The following TENM3 variants were observed in gnomAD, a reference collection of about 807,000 sequenced individuals.
TENM3 encodes the protein teneurin transmembrane protein 3, also known as teneurin-3.
In TENM3, 63 loss-of-function variants were observed where a neutral mutation model predicts 255.1. The ratio of observed to expected loss-of-function variants is 0.25; its 90% confidence interval spans 0.20 to 0.30. The LOEUF is 0.30. Among genes scored for constraint, TENM3 ranks in the 10% least tolerant of loss-of-function variants. The probability of loss-of-function intolerance (pLI) is 1.00; values close to 1 mark genes in which losing one functional copy is unlikely to be tolerated. For synonymous variants in TENM3, 1,306 were observed against 1,322.3 expected, an observed-to-expected ratio of 0.99 and a Z score of 0.27; for missense variants, 2,929 against 3,461.1, an observed-to-expected ratio of 0.85 and a Z score of 3.86.
chr4:181,587,105 A>T, the TENM3 span, among the ~76,000 whole-genome samples: 1 of 152,148 alleles, frequency 6.6e-6, no homozygotes, highest in Non-Finnish European at 1.5e-5. Context: ...ATACTTTTTT[A>T]CCTAATAAAA....
chr4:182,466,463 GGGACTGCAGGTGTGTGCCACCAT>G (rs1287104186), intron 3 of TENM3, among the ~76,000 whole-genome samples: 1 of 152,106 alleles, frequency 6.6e-6, no homozygotes, highest in Non-Finnish European at 1.5e-5. Flanking sequence ...CCAGGTAGCT[GGGACTGCAGGTGTGTGCCACCAT>G]GCCTGGCTAA....
At chr4:181,807,476 C>T in the TENM3 span, among the ~76,000 whole-genome samples, 1 of 152,158 alleles carries the variant, frequency 6.6e-6, no homozygotes, top group Non-Finnish European at 1.5e-5. Flanking sequence ...GCCTCAGCCT[C>T]CCGAGTAGCT....
the TENM3 span, among the ~76,000 whole-genome samples, chr4:181,718,903 T>G: frequency 6.6e-6 from 1 of 152,218 alleles, no homozygotes; most frequent in Non-Finnish European, 1.5e-5. Context: ...TCTCCTTTAG[T>G]TCATATATAT....
the TENM3 span, among the ~76,000 whole-genome samples, chr4:181,517,124 G>A: frequency 2.0e-5 from 3 of 150,626 alleles, no homozygotes; most frequent in African/African-American, 4.9e-5. Context: ...CTTAATGAAT[G>A]TAACTAAACA....
the TENM3 span, among the ~76,000 whole-genome samples, chr4:181,769,759 C>T: frequency 1.2e-4 from 19 of 152,122 alleles, no homozygotes; most frequent in South Asian, 3.8e-3. Flanking sequence ...ACATCTGGAA[C>T]GTATTATTAT....
chr4:181,678,711 C>CTA, the TENM3 span, among the ~76,000 whole-genome samples: 27 of 151,212 alleles, frequency 1.8e-4, no homozygotes, highest in African/African-American at 6.6e-4. Flanking sequence ...TTAGGTTGTT[C>CTA]TATATATATA....
chr4:182,426,007 C>CAAAAAAAAAAAAAAAA (rs55836889), intron 3 of TENM3, among the ~76,000 whole-genome samples: 23 of 90,730 alleles, frequency 2.5e-4, no homozygotes, highest in South Asian at 3.7e-4. Flanking sequence ...GAGTCCATGT[C>CAAAAAAAAAAAAAAAA]AAAAAAAAAA....
intron 1 of TENM3, among the ~76,000 whole-genome samples, chr4:182,254,554 C>T (rs775229463): frequency 6.6e-6 from 1 of 152,062 alleles, no homozygotes; most frequent in Non-Finnish European, 1.5e-5. Flanking sequence ...TTAAAAGCAG[C>T]AGAAGGCTTT....
At chr4:181,587,664 A>G in the TENM3 span, among the ~76,000 whole-genome samples, 479 of 152,284 alleles carry the variant, frequency 3.1e-3, no homozygotes, top group Middle Eastern at 6.8e-3. Flanking sequence ...GTTAACCAGA[A>G]GCTCTACTGC....
Position 182,370,834 on chromosome 4 carries a change from T to C in TENM3, c.511+23905T>C, listed in dbSNP as rs150860395. ...TTCTGTTGCTAAAGGACCTGCCAAA[T>C]AGTTGAATATCTTAATCATAAGTCT... On this transcript the variant is annotated intron_variant, in intron 3 of 27. Transcript: ENST00000511685. Among the ~76,000 whole-genome samples the C allele has an allele frequency of 3.9e-3, 592 of 152,312 alleles. 3 individuals carry two copies. The highest frequency in any genetic ancestry group is 0.013 in the African/African-American group (558 of 41,576).
At chr4:181,844,263 G>A in the TENM3 span, among the ~76,000 whole-genome samples, 8 of 152,178 alleles carry the variant, frequency 5.3e-5, no homozygotes, top group South Asian at 8.3e-4. Flanking sequence ...ATGAACTTTG[G>A]GGGGACACAT....
chr4:182,281,933 G>A (rs1296138583), intron 1 of TENM3, among the ~76,000 whole-genome samples: 2 of 151,874 alleles, frequency 1.3e-5, no homozygotes, highest in African/African-American at 2.4e-5. Context: ...ACAGGGTTTC[G>A]CCATGTTGGC....
intron 3 of TENM3, among the ~76,000 whole-genome samples, chr4:182,431,831 C>T (rs1007079109): frequency 6.6e-6 from 1 of 151,964 alleles, no homozygotes; most frequent in Non-Finnish European, 1.5e-5. Context: ...AATCCCAGCA[C>T]TTTGGAAGGC....
Position 182,792,234 on chromosome 4 carries a change from G to A in TENM3, c.5602-40G>A, listed in dbSNP as rs368457259. ...CACTAAATCTGCTTTTGCATCTCCC[G>A]TTCACAAACACTGAGTAACAGTATG... On this transcript the variant is annotated intron_variant, in intron 25 of 27. Coordinates refer to ENST00000511685, the MANE Select transcript of TENM3 (RefSeq NM_001080477.4). This position sits in a 1 kb window ranked among gnomAD's most constrained non-coding sequence, Gnocchi z 6.3. The A allele has an allele frequency of 1.3e-5, 20 of 1,569,472 alleles. No homozygotes were observed. Among genetic ancestry groups the A allele is most frequent in the South Asian group, 2.3e-5 (2 of 85,888 alleles).
chr4:181,465,479 C>T, the TENM3 span, among the ~76,000 whole-genome samples: 1 of 152,092 alleles, frequency 6.6e-6, no homozygotes, highest in African/African-American at 2.4e-5. Context: ...AACTTCTCTC[C>T]TTGAAAGATA....
the TENM3 span, among the ~76,000 whole-genome samples, chr4:181,801,322 G>C: frequency 2.0e-5 from 3 of 152,046 alleles, no homozygotes; most frequent in Non-Finnish European, 4.4e-5. Context: ...CAAAACCAAG[G>C]AAGTCTATAG....
intron 4 of TENM3, among the ~76,000 whole-genome samples, chr4:182,606,109 C>G (rs964219599): frequency 2.0e-5 from 3 of 152,180 alleles, no homozygotes; most frequent in Non-Finnish European, 4.4e-5. Flanking sequence ...TATTGACCCC[C>G]TTCGCAGAAA....
Position 182,793,521 on chromosome 4 carries a change from C to T in TENM3, c.6849C>T (p.Ala2283=), listed in dbSNP as rs1228949375. 15 of 1,613,968 alleles carry T rather than the reference C, an allele frequency of 9.3e-6. 1 individual carries two copies. The highest frequency in any genetic ancestry group is 7.6e-6 in the Non-Finnish European group (9 of 1,179,864). ...ATGATCTCCAAGGACATCTTTTTGCCATGGAAATCAGCAGTGGGGATGAAT... is the reference window on the plus strand; with the variant it reads ...ATGATCTCCAAGGACATCTTTTTGCTATGGAAATCAGCAGTGGGGATGAAT... ...LYYDLQGHLF[A]MEISSGDEFY... Residue 2283 remains alanine, a synonymous_variant, in exon 26 of 28, where the codon GCC becomes GCT. Coordinates refer to ENST00000511685, the MANE Select transcript of TENM3 (RefSeq NM_001080477.4). This position sits in a 1 kb window ranked among gnomAD's most constrained non-coding sequence, Gnocchi z 5.7.
chr4:181,457,309 G>T, the TENM3 span, among the ~76,000 whole-genome samples: 1 of 151,830 alleles, frequency 6.6e-6, no homozygotes, highest in East Asian at 1.9e-4. Context: ...TTCAGTGAGC[G>T]GCTTAGTGTG....
Sources: gnomAD v4.1 joint callset for allele counts (sites outside exome capture counted in the v4.1 genomes callset) on GRCh38, gnomAD v4.1.1 for gene constraint, Gnocchi (gnomAD v3.1) non-coding constraint, MANE v1.5 for transcripts, NCBI Gene and HGNC (gene_info 2026-07-23, HGNC 2026-07-21) for gene names.